The following XIRP2 variants were observed in gnomAD, a reference collection of about 807,000 sequenced individuals.
The protein encoded by XIRP2 is xin actin binding repeat containing 2, also known as xin actin-binding repeat-containing protein 2.
Under a neutral mutation model 277.0 loss-of-function variants are expected in XIRP2, and 236 were observed. The observed-to-expected ratio is 0.85, with a 90% confidence interval of 0.77 to 0.95. The LOEUF is 0.95. XIRP2 is among the 40% of genes least tolerant of loss of function. XIRP2 has a pLI of 0.00. For missense variants in XIRP2, 4,640 were observed against 4,157.5 expected, an observed-to-expected ratio of 1.12 and a Z score of -3.19; for synonymous variants, 1,490 against 1,416.5, an observed-to-expected ratio of 1.05 and a Z score of -1.17.
At chr2:167,034,590 T>C (rs1348506278) in intron 2 of XIRP2, among the ~76,000 whole-genome samples, 1 of 150,996 alleles carries the variant, frequency 6.6e-6, no homozygotes, top group East Asian at 1.9e-4. Flanking sequence ...AATAAAGGGA[T>C]GGAAAATGAT....
intron 2 of XIRP2, among the ~76,000 whole-genome samples, chr2:167,070,272 G>A (rs989234779): frequency 4.6e-5 from 7 of 152,022 alleles, no homozygotes; most frequent in Non-Finnish European, 7.4e-5. Context: ...CCAAGAAGCC[G>A]ATAAATATTT....
intron 2 of XIRP2, among the ~76,000 whole-genome samples, chr2:167,020,070 T>A (rs1687938779): frequency 1.3e-5 from 2 of 152,024 alleles, no homozygotes; most frequent in Admixed American, 1.3e-4. Flanking sequence ...AATCAAAACT[T>A]TACACTAATC....
intron 3 of XIRP2, among the ~76,000 whole-genome samples, chr2:167,206,430 T>A (rs1345998583): frequency 6.6e-6 from 1 of 152,216 alleles, no homozygotes; most frequent in African/African-American, 2.4e-5. Context: ...ATTTACTGCC[T>A]TCAATGTGTA....
intron 3 of XIRP2, among the ~76,000 whole-genome samples, chr2:167,145,389 G>A (rs1206349561): frequency 6.6e-6 from 1 of 152,112 alleles, no homozygotes; most frequent in East Asian, 1.9e-4. Context: ...AAAGAGGAAG[G>A]GGAATTATTA....
Position 167,245,735 on chromosome 2 carries a change from A to G in XIRP2, c.4343A>G (p.Asn1448Ser). 2.5e-6 allele frequency: 4 copies of G among 1,613,742 alleles called. No individual in the cohort carries two copies. Among genetic ancestry groups the G allele is most frequent in the Non-Finnish European group, 3.4e-6 (4 of 1,179,758 alleles). Reference protein sequence around the residue: ...TVSVNEIQKGNVKTSTWLFET... With the variant: ...TVSVNEIQKGSVKTSTWLFET... ...AGTGTCAATGAAATACAAAAGGGCA[A>G]TGTTAAAACATCTACTTGGCTATTT... The change falls in exon 9 of 11, where the codon AAT (asparagine) becomes AGT (serine). Residue 1448 changes from asparagine to serine, a missense_variant. Asn to Ser is a conservative substitution (Grantham distance 46). Transcript: ENST00000409195.
At position 167,257,928 on chromosome 2, in the gene XIRP2, A is replaced by G. The variant is rs1695707176; in HGVS notation, c.*111A>G. On this transcript the variant is annotated 3_prime_UTR_variant, in exon 11 of 11. Transcript: ENST00000409195. ...CACTTTAAACAACTTTTCAAATCCA[A>G]AGGAAATTATGATGAAGGTTTTGGA... The G allele has an allele frequency of 1.2e-6, 2 of 1,612,174 alleles. No homozygotes were observed. The highest frequency in any genetic ancestry group is 1.3e-5 in the African/African-American group (1 of 74,762).
At chr2:167,075,607 C>A (rs901144668) in intron 2 of XIRP2, among the ~76,000 whole-genome samples, 1 of 152,096 alleles carries the variant, frequency 6.6e-6, no homozygotes, top group African/African-American at 2.4e-5. Flanking sequence ...TAGCCAGGAC[C>A]AATATTTATA....
At chr2:167,086,040 A>C (rs2105268488) in intron 2 of XIRP2, among the ~76,000 whole-genome samples, 1 of 151,668 alleles carries the variant, frequency 6.6e-6, no homozygotes, top group South Asian at 2.1e-4. Context: ...CCTAGTCTCG[A>C]TGGTCTTTAC....
At chr2:167,051,261 G>A (rs1429331446) in intron 2 of XIRP2, among the ~76,000 whole-genome samples, 2 of 152,102 alleles carry the variant, frequency 1.3e-5, no homozygotes, top group African/African-American at 2.4e-5. Flanking sequence ...GTGTCTTTGT[G>A]CAGCTATTCT....
intron 2 of XIRP2, 74 bp downstream of exon 2, chr2:166,903,964 T>G (rs937068497): frequency 8.0e-6 from 12 of 1,502,840 alleles, no homozygotes; most frequent in Non-Finnish European, 9.9e-6. Flanking sequence ...TTACTAAGCA[T>G]GTAATCTTTC....
chr2:166,908,742 G>C (rs1489309280), intron 2 of XIRP2, among the ~76,000 whole-genome samples: 3 of 152,142 alleles, frequency 2.0e-5, no homozygotes, highest in Non-Finnish European at 2.9e-5. Flanking sequence ...GGTTTTTATG[G>C]CTTTAGGTCT....
At chr2:167,032,854 A>G (rs1017404967) in intron 2 of XIRP2, among the ~76,000 whole-genome samples, 1 of 152,272 alleles carries the variant, frequency 6.6e-6, no homozygotes, top group African/African-American at 2.4e-5. Flanking sequence ...TTGGAATGCA[A>G]ATTAGTTCAA....
intron 2 of XIRP2, among the ~76,000 whole-genome samples, chr2:167,085,549 A>G (rs1231481828): frequency 6.6e-6 from 1 of 152,028 alleles, no homozygotes; most frequent in African/African-American, 2.4e-5. Flanking sequence ...GGGGTGTTAA[A>G]GTCTCCCATT....
chr2:167,176,149 AG>A (rs1156434587), intron 3 of XIRP2, among the ~76,000 whole-genome samples: 1 of 152,064 alleles, frequency 6.6e-6, no homozygotes, highest in African/African-American at 2.4e-5. Context: ...TTGGCATTCC[AG>A]GTGCCAACTG....
At chr2:167,237,624 CTT>C (rs1694938506) in intron 5 of XIRP2, among the ~76,000 whole-genome samples, 1 of 152,130 alleles carries the variant, frequency 6.6e-6, no homozygotes, top group Admixed American at 6.6e-5. Flanking sequence ...TAATTCGAAA[CTT>C]TAAAATCACT....
chr2:167,020,074 A>G (rs1330011507), intron 2 of XIRP2, among the ~76,000 whole-genome samples: 1 of 152,050 alleles, frequency 6.6e-6, no homozygotes, highest in African/African-American at 2.4e-5. Flanking sequence ...AAAACTTTAC[A>G]CTAATCAACT....
intron 2 of XIRP2, among the ~76,000 whole-genome samples, chr2:166,964,424 G>A (rs1268186606): frequency 2.6e-5 from 4 of 151,876 alleles, no homozygotes; most frequent in Non-Finnish European, 4.4e-5. Flanking sequence ...TGTCAGTGCT[G>A]TAAGCTTAAA....
chr2:166,919,100 G>A (rs1192351741), intron 2 of XIRP2, among the ~76,000 whole-genome samples: 1 of 152,106 alleles, frequency 6.6e-6, no homozygotes, highest in Non-Finnish European at 1.5e-5. Flanking sequence ...CAAGCAAACT[G>A]CAGGCACCTA....
chr2:167,165,736 C>CAA (rs1692505354), intron 3 of XIRP2, among the ~76,000 whole-genome samples: 2 of 152,190 alleles, frequency 1.3e-5, no homozygotes, highest in African/African-American at 4.8e-5. Context: ...TTTTGGATAA[C>CAA]AGTCCCTTAT....
Sources: gnomAD v4.1 joint callset for allele counts (sites outside exome capture counted in the v4.1 genomes callset) on GRCh38, gnomAD v4.1.1 for gene constraint, MANE v1.5 for transcripts, NCBI Gene and HGNC (gene_info 2026-07-23, HGNC 2026-07-21) for gene names.